Variants in ANKRD33B observed in about 807,000 individuals in gnomAD.
ANKRD33B encodes the protein ankyrin repeat domain-containing protein 33B.
ANKRD33B carries 6 observed loss-of-function variants against 21.5 expected under a neutral mutation model. The observed-to-expected ratio is 0.28, with a 90% confidence interval of 0.15 to 0.55. The LOEUF is 0.55. Ranked by LOEUF, ANKRD33B falls within the 20% of genes least tolerant of loss-of-function variation. The pLI, the probability that ANKRD33B is intolerant of heterozygous loss-of-function variation, is 0.94. For synonymous variants in ANKRD33B, 347 were observed against 342.4 expected (o/e 1.01, Z -0.15); for missense variants, 698 against 747.2 (o/e 0.93, Z 0.77).
At chr5:10,643,044 A>G (rs1421847107) in intron 3 of ANKRD33B, among the ~76,000 whole-genome samples, 1 of 152,084 alleles carries the variant, frequency 6.6e-6, no homozygotes, top group East Asian at 1.9e-4. Flanking sequence ...AGCTAGGACT[A>G]CAGGCATGCA....
intron 2 of ANKRD33B, among the ~76,000 whole-genome samples, chr5:10,621,647 C>G (rs1398412004): frequency 6.6e-6 from 1 of 152,068 alleles, no homozygotes; most frequent in Non-Finnish European, 1.5e-5. Flanking sequence ...AAGGCCAGTT[C>G]AAAGGAAATT....
At chr5:10,565,813 G>A (rs1383120858) in intron 1 of ANKRD33B, among the ~76,000 whole-genome samples, 3 of 152,216 alleles carry the variant, frequency 2.0e-5, no homozygotes, top group African/African-American at 7.2e-5. Flanking sequence ...CCTGATTTTT[G>A]TATTGTCCAA....
At chr5:10,634,796 G>A (rs555551494) in intron 2 of ANKRD33B, among the ~76,000 whole-genome samples, 156 of 151,116 alleles carry the variant, frequency 1.0e-3, no homozygotes, top group Non-Finnish European at 1.6e-3. Flanking sequence ...GGGTTCCCTT[G>A]TGCAAGGAAG....
chr5:10,644,770 C>T (rs1737152849), intron 3 of ANKRD33B, among the ~76,000 whole-genome samples: 1 of 152,120 alleles, frequency 6.6e-6, no homozygotes, highest in African/African-American at 2.4e-5. Context: ...AGTCATTAGC[C>T]AGAGAAAGGA....
intron 1 of ANKRD33B, among the ~76,000 whole-genome samples, chr5:10,603,347 A>G (rs531713856): frequency 1.3e-5 from 2 of 151,428 alleles, no homozygotes; most frequent in Admixed American, 6.6e-5. Context: ...ACTGCAACCT[A>G]CGCCTCCCAG....
chr5:10,598,648 C>T (rs574505614), intron 1 of ANKRD33B, among the ~76,000 whole-genome samples: 41 of 152,302 alleles, frequency 2.7e-4, no homozygotes, highest in African/African-American at 9.9e-4. Context: ...CTATGTTGCA[C>T]AGACTGGTCT....
At chr5:10,613,482 G>C (rs1736217806) in intron 1 of ANKRD33B, among the ~76,000 whole-genome samples, 1 of 151,628 alleles carries the variant, frequency 6.6e-6, no homozygotes, top group Non-Finnish European at 1.5e-5. Context: ...AGTAGAGATG[G>C]GGTTTCACCG....
intron 1 of ANKRD33B, among the ~76,000 whole-genome samples, chr5:10,594,675 T>A (rs1735781375): frequency 6.6e-6 from 1 of 151,996 alleles, no homozygotes; most frequent in Non-Finnish European, 1.5e-5. Flanking sequence ...TTAGGTGGGG[T>A]AAGACATGAA....
intron 1 of ANKRD33B, among the ~76,000 whole-genome samples, chr5:10,571,662 TA>T (rs780543844): frequency 6.6e-6 from 1 of 152,296 alleles, no homozygotes; most frequent in East Asian, 1.9e-4. Flanking sequence ...GAAATAAATT[TA>T]AAAAACAAAA....
chr5:10,611,401 C>G (rs1201798809), intron 1 of ANKRD33B, among the ~76,000 whole-genome samples: 1 of 152,148 alleles, frequency 6.6e-6, no homozygotes, highest in Non-Finnish European at 1.5e-5. Flanking sequence ...CTGCCTGAGT[C>G]TAGGCAGCTC....
intron 1 of ANKRD33B, among the ~76,000 whole-genome samples, chr5:10,577,089 T>G (rs1424506836): frequency 6.6e-6 from 1 of 151,538 alleles, no homozygotes; most frequent in African/African-American, 2.4e-5. Flanking sequence ...CCCCTTTCCC[T>G]TTCCCTTCCC....
intron 1 of ANKRD33B, among the ~76,000 whole-genome samples, chr5:10,610,028 G>A (rs1205947611): frequency 6.6e-6 from 1 of 152,244 alleles, no homozygotes; most frequent in Admixed American, 6.5e-5. Context: ...AATCCAGACA[G>A]CCAATAGATG....
chr5:10,641,654 C>T (rs951609508), intron 3 of ANKRD33B, among the ~76,000 whole-genome samples: 10 of 152,114 alleles, frequency 6.6e-5, no homozygotes, highest in African/African-American at 2.4e-4. Context: ...CGAGATCAAT[C>T]TGGAGTTACA....
Position 10,576,128 on chromosome 5 carries a change from T to C in ANKRD33B, c.366+11295T>C, listed in dbSNP as rs1735316368. On this transcript the variant is annotated intron_variant, in intron 1 of 3. Transcript: ENST00000296657. The surrounding 1 kb of genome is among the most constrained non-coding windows in gnomAD (Gnocchi z 4.1). Reference sequence around the variant, plus strand: ...GGGAGGACAGGTGAAGGGTACAAGTTCTTGTGGGGCTGTAACTATTTCAAA... The same window carrying C: ...GGGAGGACAGGTGAAGGGTACAAGTCCTTGTGGGGCTGTAACTATTTCAAA... Among the ~76,000 whole-genome samples the C allele has an allele frequency of 6.6e-6, 1 of 152,150 alleles. No homozygotes were observed. The highest frequency in any genetic ancestry group is 6.5e-5 in the Admixed American group (1 of 15,280).
intron 2 of ANKRD33B, among the ~76,000 whole-genome samples, chr5:10,636,827 T>A (rs1051890093): frequency 6.6e-6 from 1 of 152,248 alleles, no homozygotes; most frequent in South Asian, 2.1e-4. Flanking sequence ...AGGAGTGAAG[T>A]CTGAGCTTCG....
intron 2 of ANKRD33B, among the ~76,000 whole-genome samples, chr5:10,637,153 GAC>G (rs1736886236): frequency 6.6e-6 from 1 of 152,208 alleles, no homozygotes; most frequent in Non-Finnish European, 1.5e-5. Context: ...ATGGACAGTT[GAC>G]CCAAGAGGAT....
intron 1 of ANKRD33B, among the ~76,000 whole-genome samples, chr5:10,610,693 T>G (rs553123320): frequency 3.9e-5 from 6 of 152,302 alleles, no homozygotes; most frequent in African/African-American, 1.4e-4. Flanking sequence ...AGTTTCAGGC[T>G]CAGATGTACA....
intron 1 of ANKRD33B, among the ~76,000 whole-genome samples, chr5:10,591,858 ATT>A (rs1404057171): frequency 1.3e-5 from 2 of 151,340 alleles, no homozygotes; most frequent in Non-Finnish European, 2.9e-5. Flanking sequence ...TTGCTTTTTC[ATT>A]TTTCTTTCAA....
In ANKRD33B at chr5:10,619,205, C is replaced by T. The variant is rs1415728497; in HGVS notation, c.496+743C>T. 7 of 654,226 alleles carry T rather than the reference C, an allele frequency of 1.1e-5. 1 individual carries two copies. The East Asian group carries it at 9.6e-4, about 90-fold the overall frequency. The allele number at this position is 654,226 out of a possible 1,614,324, so 40.5% of individuals were successfully genotyped here. On this transcript the variant is annotated intron_variant, in intron 2 of 3. Transcript: ENST00000296657. The surrounding 1 kb of genome is among the most constrained non-coding windows in gnomAD (Gnocchi z 4.5). ...TCACATTTCTTTGCCTCCAAAGATT[C>T]TGTCTGTTTCATCGGTCAAGTTCTC...
Sources: allele counts gnomAD v4.1 joint callset (sites outside exome capture counted in the v4.1 genomes callset), GRCh38; gene constraint gnomAD v4.1.1; non-coding constraint Gnocchi (gnomAD v3.1); transcripts MANE v1.5; gene names NCBI Gene and HGNC (gene_info 2026-07-23, HGNC 2026-07-21).